Variants in CHL1 observed in about 807,000 individuals in gnomAD.
CHL1 encodes the protein neural cell adhesion molecule L1-like protein.
A neutral mutation model predicts 141.9 loss-of-function variants in CHL1; 96 were observed. That is an observed-to-expected ratio of 0.68 (90% CI 0.57 to 0.80). The LOEUF is 0.80. Among genes scored for constraint, CHL1 ranks in the 30% least tolerant of loss-of-function variants. CHL1 has a pLI of 0.00. For synonymous variants in CHL1, 613 were observed against 502.2 expected (o/e 1.22, Z -2.95); for missense variants, 1,820 against 1,457.2 (o/e 1.25, Z -4.05).
chr3:273,689 T>C (rs897835066), intron 2 of CHL1, among the ~76,000 whole-genome samples: 3 of 152,202 alleles, frequency 2.0e-5, no homozygotes, highest in Non-Finnish European at 2.9e-5. Flanking sequence ...CATAATGACT[T>C]CTTTTAAAGA....
At chr3:307,731 A>G (rs963654891) in intron 2 of CHL1, among the ~76,000 whole-genome samples, 4 of 151,956 alleles carry the variant, frequency 2.6e-5, no homozygotes, top group Non-Finnish European at 4.4e-5. Flanking sequence ...CACACTTAAC[A>G]TACTTTACGA....
chr3:278,686 A>T (rs569714827), intron 2 of CHL1, among the ~76,000 whole-genome samples: 2 of 152,302 alleles, frequency 1.3e-5, no homozygotes, highest in African/African-American at 2.4e-5. Context: ...TCCTTTCAAG[A>T]AGTATAATGG....
intron 24 of CHL1, 89 bp downstream of exon 24, chr3:394,961 C>A: frequency 9.3e-7 from 1 of 1,071,642 alleles, no homozygotes; most frequent in Non-Finnish European, 1.3e-6. Context: ...AAGCACCGTG[C>A]CAGTCATTGT....
intron 1 of CHL1, among the ~76,000 whole-genome samples, chr3:241,882 C>T (rs959855346): frequency 4.7e-5 from 7 of 148,970 alleles, no homozygotes; most frequent in Non-Finnish European, 7.4e-5. Flanking sequence ...ATAAGTAAGA[C>T]GTTAGTATCT....
At chr3:314,059 G>C (rs1030214632) in intron 2 of CHL1, among the ~76,000 whole-genome samples, 1 of 151,940 alleles carries the variant, frequency 6.6e-6, no homozygotes, top group Non-Finnish European at 1.5e-5. Context: ...AGACAGTATG[G>C]TAGCTTTAAG....
intron 2 of CHL1, among the ~76,000 whole-genome samples, chr3:252,303 T>C (rs73092533): frequency 1.3e-3 from 189 of 147,736 alleles, no homozygotes; most frequent in African/African-American, 4.4e-3. Flanking sequence ...CTTCTGATTA[T>C]ATTTATGTTA....
At chr3:382,450 T>G (rs775005891) in intron 17 of CHL1, 24 bp from the exon 18 acceptor site, 1 of 1,595,012 alleles carries the variant, frequency 6.3e-7, no homozygotes, top group Non-Finnish European at 8.6e-7. Flanking sequence ...CATTCTAATA[T>G]TTTTTCCCTG....
intron 24 of CHL1, among the ~76,000 whole-genome samples, chr3:395,848 A>G (rs1708624242): frequency 6.6e-6 from 1 of 152,218 alleles, no homozygotes; most frequent in South Asian, 2.1e-4. Context: ...CAATGAAAGA[A>G]ACATCACAGA....
At chr3:290,861 G>A (rs193179927) in intron 2 of CHL1, among the ~76,000 whole-genome samples, 31 of 151,108 alleles carry the variant, frequency 2.1e-4, no homozygotes, top group Non-Finnish European at 3.5e-4. Flanking sequence ...GCTTGAACCC[G>A]GGAGACAGAG....
intron 2 of CHL1, among the ~76,000 whole-genome samples, chr3:301,951 ATG>A (rs1698781743): frequency 2.0e-5 from 3 of 152,002 alleles, no homozygotes; most frequent in African/African-American, 7.3e-5. Flanking sequence ...CCCTTTATCC[ATG>A]TGTTCTCCTT....
intron 11 of CHL1, among the ~76,000 whole-genome samples, chr3:357,031 C>A (rs1394905556): frequency 2.0e-5 from 3 of 152,200 alleles, no homozygotes; most frequent in Non-Finnish European, 4.4e-5. Context: ...TGGTGGCAGT[C>A]ATGGTTGGCT....
chr3:346,226 C>G (rs1191134989), intron 9 of CHL1, among the ~76,000 whole-genome samples: 1 of 152,154 alleles, frequency 6.6e-6, no homozygotes, highest in Non-Finnish European at 1.5e-5. Context: ...ATCAAAGTTG[C>G]TTGTCTGTCT....
chr3:283,980 T>C (rs331871), intron 2 of CHL1, among the ~76,000 whole-genome samples: 6,640 of 152,258 alleles, frequency 0.044, 521 homozygotes, highest in African/African-American at 0.15. Flanking sequence ...ATTTTCCAGA[T>C]AGTCACACTC....
At chr3:258,962 C>G (rs1164545309) in intron 2 of CHL1, among the ~76,000 whole-genome samples, 1 of 125,836 alleles carries the variant, frequency 7.9e-6, no homozygotes. Context: ...CTGAGACATT[C>G]TCCCTTTGTC....
rs141199902 is a variant in CHL1 at position 365,822 on chromosome 3, C to G, written c.1586-128C>G. ...AATGACATACAATGTTAGGAAATTA[C>G]AGTGGGACAAACCCTGCATGAGGAT... On this transcript the variant is annotated intron_variant, in intron 14 of 27. Transcript: ENST00000256509. 574 of 630,430 alleles carry G rather than the reference C, an allele frequency of 9.1e-4. 11 individuals are homozygous for G. The East Asian group carries it at 0.014, about 16-fold the overall frequency. The allele number at this position is 630,430 out of a possible 1,614,324, so 39.1% of individuals were successfully genotyped here.
intron 2 of CHL1, among the ~76,000 whole-genome samples, chr3:258,384 T>G (rs1034948842): frequency 1.3e-5 from 2 of 152,228 alleles, no homozygotes; most frequent in African/African-American, 4.8e-5. Context: ...GGCCAACATC[T>G]ACTTCCACAT....
chr3:206,064 C>A (rs933335435), intron 1 of CHL1, among the ~76,000 whole-genome samples: 25 of 152,216 alleles, frequency 1.6e-4, no homozygotes, highest in Non-Finnish European at 5.9e-5. Flanking sequence ...TCCAAACTTA[C>A]CTGTTCTGTG....
chr3:308,459 A>G (rs1699439953), intron 2 of CHL1, among the ~76,000 whole-genome samples: 1 of 152,046 alleles, frequency 6.6e-6, no homozygotes, highest in Non-Finnish European at 1.5e-5. Flanking sequence ...AATTTGATTA[A>G]CACAAAAAAC....
intron 26 of CHL1, among the ~76,000 whole-genome samples, 191 bp from the exon 27 acceptor site, chr3:401,435 C>T (rs908772354): frequency 1.3e-5 from 2 of 152,094 alleles, no homozygotes; most frequent in Non-Finnish European, 2.9e-5. Flanking sequence ...CCCAAAATCC[C>T]CTCTCTTTTT....
Sources: allele counts gnomAD v4.1 joint callset (sites outside exome capture counted in the v4.1 genomes callset), GRCh38; gene constraint gnomAD v4.1.1; transcripts MANE v1.5; gene names NCBI Gene and HGNC (gene_info 2026-07-23, HGNC 2026-07-21).